Variants in SLC25A21 observed in about 807,000 individuals in gnomAD.
The protein encoded by SLC25A21 is solute carrier family 25 member 21.
In SLC25A21, 47 loss-of-function variants were observed where a neutral mutation model predicts 43.8. That is an observed-to-expected ratio of 1.07 (90% CI 0.85 to 1.37). The LOEUF (loss-of-function observed/expected upper bound fraction) is 1.37. Among genes scored for constraint, SLC25A21 ranks in the 40% most tolerant of loss-of-function variants. The pLI is 0.00. For synonymous variants in SLC25A21, 131 were observed against 121.3 expected (o/e 1.08, Z -0.52); for missense variants, 352 against 350.2 (o/e 1.00, Z -0.04).
At chr14:36,940,819 A>C (rs972485346) in intron 1 of SLC25A21, among the ~76,000 whole-genome samples, 1 of 152,140 alleles carries the variant, frequency 6.6e-6, no homozygotes, top group Non-Finnish European at 1.5e-5. Context: ...AAAGTACAGA[A>C]TCCAGTATTC....
At chr14:37,065,522 T>C (rs1962041560) in intron 1 of SLC25A21, among the ~76,000 whole-genome samples, 1 of 152,138 alleles carries the variant, frequency 6.6e-6, no homozygotes, top group African/African-American at 2.4e-5. Flanking sequence ...AGTGCTTCTC[T>C]ATATTAAACT....
At chr14:36,851,481 T>C (rs1422436625) in intron 2 of SLC25A21, among the ~76,000 whole-genome samples, 1 of 152,202 alleles carries the variant, frequency 6.6e-6, no homozygotes, top group Non-Finnish European at 1.5e-5. Flanking sequence ...ACCTTTGTCA[T>C]TTTAAGGAGC....
chr14:37,154,684 C>T (rs1419366340), intron 1 of SLC25A21, among the ~76,000 whole-genome samples: 1 of 151,000 alleles, frequency 6.6e-6, no homozygotes, highest in African/African-American at 2.4e-5. Context: ...CTCTTGTTCC[C>T]CAGGCTGGAG....
chr14:37,072,008 C>T (rs1962182576), intron 1 of SLC25A21, among the ~76,000 whole-genome samples: 1 of 151,548 alleles, frequency 6.6e-6, no homozygotes. Flanking sequence ...GTGGTGAAAC[C>T]TCATCTCTAT....
At chr14:36,759,016 T>C (rs1014396953) in intron 3 of SLC25A21, among the ~76,000 whole-genome samples, 2 of 152,176 alleles carry the variant, frequency 1.3e-5, no homozygotes, top group African/African-American at 4.8e-5. Flanking sequence ...GTTATTCAGC[T>C]CATGTTCATT....
At chr14:37,002,909 C>A (rs1245023372) in intron 1 of SLC25A21, among the ~76,000 whole-genome samples, 1 of 152,198 alleles carries the variant, frequency 6.6e-6, no homozygotes, top group Admixed American at 6.5e-5. Context: ...TTAAGACTGT[C>A]TGGCATTATC....
chr14:37,164,914 T>C (rs992320504), intron 1 of SLC25A21, among the ~76,000 whole-genome samples: 2 of 152,184 alleles, frequency 1.3e-5, no homozygotes, highest in Admixed American at 1.3e-4. Context: ...TCTTTGAAGG[T>C]GATTAATGAG....
At chr14:37,128,520 G>GTC (rs539530734) in intron 1 of SLC25A21, among the ~76,000 whole-genome samples, 2,359 of 134,350 alleles carry the variant, frequency 0.018, 45 homozygotes, top group African/African-American at 0.039. Flanking sequence ...ATTACTTTCT[G>GTC]TCTCTCTCTC....
At chr14:37,057,758 T>G (rs2138807559) in intron 1 of SLC25A21, among the ~76,000 whole-genome samples, 1 of 152,344 alleles carries the variant, frequency 6.6e-6, no homozygotes, top group Admixed American at 6.5e-5. Context: ...TTCCAGATTT[T>G]TAGTTCTATC....
At chr14:36,960,277 G>A (rs1034346187) in intron 1 of SLC25A21, among the ~76,000 whole-genome samples, 3 of 151,890 alleles carry the variant, frequency 2.0e-5, no homozygotes, top group Non-Finnish European at 4.4e-5. Flanking sequence ...ACATAGACAT[G>A]TGTTTGTGAC....
intron 2 of SLC25A21, among the ~76,000 whole-genome samples, chr14:36,835,777 T>A (rs1889188640): frequency 6.6e-6 from 1 of 152,242 alleles, no homozygotes; most frequent in Non-Finnish European, 1.5e-5. Flanking sequence ...ATAGGTATGT[T>A]CAAGGATGGC....
At chr14:36,970,276 C>T (rs1036248259) in intron 1 of SLC25A21, among the ~76,000 whole-genome samples, 2 of 152,082 alleles carry the variant, frequency 1.3e-5, no homozygotes, top group Non-Finnish European at 2.9e-5. Flanking sequence ...GGTCTGGAAT[C>T]CTGTGGTTGT....
chr14:37,048,887 C>T lies in SLC25A21; in HGVS notation c.70+123394G>A, dbSNP rs184081498. 3.9e-5 allele frequency among the ~76,000 whole-genome samples: 6 copies of T among 152,208 alleles called. No homozygotes were observed. In the East Asian group the frequency reaches 1.2e-3, roughly 29 times the overall value. On this transcript the variant is annotated intron_variant, in intron 1 of 9. Transcript: ENST00000331299. ...GTTTTGCCAAAGACTTTTAGTTTTG[C>T]CAAAGCAGGCTTAACTTCAAATAAT... is the stretch of plus-strand genomic sequence containing the variant.
chr14:36,826,051 T>C (rs946990576), intron 2 of SLC25A21, among the ~76,000 whole-genome samples: 5 of 152,222 alleles, frequency 3.3e-5, no homozygotes, highest in Admixed American at 6.5e-5. Context: ...CTAACATTCA[T>C]TGAATGCCTG....
intron 1 of SLC25A21, among the ~76,000 whole-genome samples, chr14:37,147,633 G>GGT (rs1413796739): frequency 3.9e-5 from 1 of 25,518 alleles, no homozygotes; most frequent in Admixed American, 6.0e-4. Context: ...ACTTATTTCA[G>GGT]GTTTTTTTTT....
At chr14:36,991,376 G>C (rs1465496014) in intron 1 of SLC25A21, among the ~76,000 whole-genome samples, 1 of 152,138 alleles carries the variant, frequency 6.6e-6, no homozygotes, top group Non-Finnish European at 1.5e-5. Context: ...CAGCAGCCCT[G>C]GCACACGGCA....
intron 1 of SLC25A21, among the ~76,000 whole-genome samples, chr14:36,884,386 T>G (rs947737751): frequency 2.0e-5 from 3 of 152,182 alleles, no homozygotes; most frequent in Admixed American, 2.0e-4. Flanking sequence ...TGATGGACAT[T>G]TAGGTTGGTT....
intron 1 of SLC25A21, among the ~76,000 whole-genome samples, chr14:37,040,187 G>A (rs1961416883): frequency 7.2e-6 from 1 of 138,676 alleles, no homozygotes; most frequent in Admixed American, 7.5e-5. Context: ...GCAACAGAGT[G>A]AGAATCCAAG....
At chr14:37,105,874 A>C (rs1454856479) in intron 1 of SLC25A21, among the ~76,000 whole-genome samples, 1 of 152,164 alleles carries the variant, frequency 6.6e-6, no homozygotes, top group East Asian at 1.9e-4. Context: ...TGTCATGTAC[A>C]TGCCAATAAT....
Sources: gnomAD v4.1 joint callset for allele counts (sites outside exome capture counted in the v4.1 genomes callset) on GRCh38, gnomAD v4.1.1 for gene constraint, MANE v1.5 for transcripts, NCBI Gene and HGNC (gene_info 2026-07-23, HGNC 2026-07-21) for gene names.